Variants in CNTN1 observed in about 807,000 individuals in gnomAD.
CNTN1 encodes contactin 1.
In CNTN1, 38 loss-of-function variants were observed where a neutral mutation model predicts 126.4. The ratio of observed to expected loss-of-function variants is 0.30; its 90% CI spans 0.23 to 0.39. The LOEUF is 0.39. Among genes scored for constraint, CNTN1 ranks in the 10% least tolerant of loss-of-function variants. CNTN1 has a pLI of 1.00. For missense variants in CNTN1, 1,009 were observed against 1,248.4 expected (o/e 0.81, Z 2.89); for synonymous variants, 413 against 422.6 (o/e 0.98, Z 0.28).
intron 1 of CNTN1, among the ~76,000 whole-genome samples, chr12:40,806,204 T>C (rs1245177376): frequency 6.6e-6 from 1 of 152,122 alleles, no homozygotes; most frequent in African/African-American, 2.4e-5. Context: ...TTTTTCAGCA[T>C]TTCTGCCCCT....
intron 15 of CNTN1, among the ~76,000 whole-genome samples, chr12:40,977,757 C>T (rs1007303074): frequency 2.0e-5 from 3 of 149,220 alleles, no homozygotes; most frequent in Non-Finnish European, 3.0e-5. Context: ...TCAGTCCTAA[C>T]AATCATCTGT....
At chr12:40,894,209 T>C (rs1944329481) in intron 1 of CNTN1, among the ~76,000 whole-genome samples, 2 of 152,140 alleles carry the variant, frequency 1.3e-5, no homozygotes, top group Non-Finnish European at 2.9e-5. Context: ...TATAACAGCT[T>C]CTTCATTTGC....
At chr12:41,001,951 T>C (rs1948370127) in intron 17 of CNTN1, among the ~76,000 whole-genome samples, 2 of 152,192 alleles carry the variant, frequency 1.3e-5, no homozygotes, top group Non-Finnish European at 2.9e-5. Flanking sequence ...TGACCTTATT[T>C]CTGGGTTCTC....
chr12:40,791,675 T>C (rs1940225714), intron 1 of CNTN1, among the ~76,000 whole-genome samples: 1 of 152,152 alleles, frequency 6.6e-6, no homozygotes, highest in South Asian at 2.1e-4. Flanking sequence ...ATTATGTAGC[T>C]TGTGCACAGA....
At chr12:40,983,732 T>C (rs923170624) in intron 16 of CNTN1, among the ~76,000 whole-genome samples, 2 of 146,422 alleles carry the variant, frequency 1.4e-5, no homozygotes, top group East Asian at 3.9e-4. Flanking sequence ...ATTACAGTAC[T>C]ATATATATAT....
intron 1 of CNTN1, among the ~76,000 whole-genome samples, chr12:40,855,499 A>G (rs1431723001): frequency 1.3e-5 from 2 of 152,126 alleles, no homozygotes; most frequent in Admixed American, 1.3e-4. Context: ...TTTATTATAT[A>G]TCATATGCTC....
In CNTN1 at chr12:40,763,974, T is replaced by C. The variant is rs181656969; in HGVS notation, c.-77+71382T>C. Among the ~76,000 whole-genome samples the C allele has an allele frequency of 1.7e-3, 262 of 152,180 alleles. 3 individuals are homozygous for C. The highest frequency in any genetic ancestry group is 5.6e-3 in the African/African-American group (232 of 41,524). ...TTCTTATAGCATGGGGTGTAGGAGA[T>C]GGGGGCGGAAATAGCATGAGCCAAG... is the stretch of plus-strand genomic sequence containing the variant. On this transcript the variant is annotated intron_variant, in intron 1 of 23. Coordinates refer to ENST00000551295, the MANE Select transcript of CNTN1 (RefSeq NM_001843.4).
chr12:40,728,627 A>G (rs531661085), intron 1 of CNTN1, among the ~76,000 whole-genome samples: 4 of 152,342 alleles, frequency 2.6e-5, no homozygotes, highest in African/African-American at 7.2e-5. Flanking sequence ...AACAATGTTT[A>G]CCAAATCAAA....
intron 1 of CNTN1, among the ~76,000 whole-genome samples, chr12:40,847,548 A>G (rs1478063545): frequency 1.3e-5 from 2 of 152,150 alleles, no homozygotes; most frequent in Non-Finnish European, 2.9e-5. Context: ...GGTTGCTCTT[A>G]ATTTGTGTTA....
intron 1 of CNTN1, among the ~76,000 whole-genome samples, chr12:40,803,354 C>A (rs74076648): frequency 0.012 from 1,809 of 152,072 alleles, 31 homozygotes; most frequent in African/African-American, 0.041. Flanking sequence ...GGCATTGTCC[C>A]TGTAAACTTT....
At chr12:40,891,659 T>A (rs1944243536) in intron 1 of CNTN1, among the ~76,000 whole-genome samples, 1 of 152,142 alleles carries the variant, frequency 6.6e-6, no homozygotes, top group South Asian at 2.1e-4. Context: ...TTAATTAAAT[T>A]GCCTTTGTTT....
At chr12:40,695,740 G>C (rs1941434177) in intron 1 of CNTN1, among the ~76,000 whole-genome samples, 2 of 152,108 alleles carry the variant, frequency 1.3e-5, no homozygotes, top group African/African-American at 4.8e-5. Context: ...ACACCACAAT[G>C]CTCTGATAGC....
intron 1 of CNTN1, among the ~76,000 whole-genome samples, chr12:40,778,016 G>C (rs1939654584): frequency 6.6e-6 from 1 of 151,792 alleles, no homozygotes; most frequent in Non-Finnish European, 1.5e-5. Context: ...TGAAAACACT[G>C]TTGGTTTTAA....
rs898044926 is a variant in CNTN1 at position 40,868,383 on chromosome 12, A to C, written c.-76-39974A>C. Among the ~76,000 whole-genome samples the C allele has an allele frequency of 3.3e-5, 5 of 152,284 alleles. No homozygotes were observed. In the South Asian group the frequency reaches 1.0e-3, roughly 32 times the overall value. On this transcript the variant is annotated intron_variant, in intron 1 of 23. Coordinates refer to ENST00000551295, the MANE Select transcript of CNTN1 (RefSeq NM_001843.4). ...GTTAAACGGGATTACAGAGGATTAC[A>C]TCCTTGGTAGATGGGAGCAGAGATT... is the stretch of plus-strand genomic sequence containing the variant.
chr12:40,763,546 A>G lies in CNTN1; in HGVS notation c.-77+70954A>G, dbSNP rs566786671. ...AACACATTGTATTAGGAAAATGGAA[A>G]GAATGTCACTGTGGCTAGTGTACAG... On this transcript the variant is annotated intron_variant, in intron 1 of 23. Coordinates refer to ENST00000551295, the MANE Select transcript of CNTN1 (RefSeq NM_001843.4). Among the ~76,000 whole-genome samples, 91 of 152,312 alleles carry G rather than the reference A, an allele frequency of 6.0e-4. 1 individual carries two copies. The highest frequency in any genetic ancestry group is 2.1e-3 in the African/African-American group (86 of 41,564).
chr12:40,846,897 T>C (rs1271556399), intron 1 of CNTN1, among the ~76,000 whole-genome samples: 2 of 152,078 alleles, frequency 1.3e-5, no homozygotes, highest in Non-Finnish European at 2.9e-5. Flanking sequence ...AGATGGAGTC[T>C]CACTCTGTCG....
At chr12:40,872,479 G>A (rs1218270564) in intron 1 of CNTN1, among the ~76,000 whole-genome samples, 1 of 151,466 alleles carries the variant, frequency 6.6e-6, no homozygotes, top group African/African-American at 2.4e-5. Context: ...AGGGCTTAGC[G>A]AAATGCCTCT....
chr12:40,807,228 C>T (rs1940893031), intron 1 of CNTN1, among the ~76,000 whole-genome samples: 2 of 152,184 alleles, frequency 1.3e-5, no homozygotes, highest in African/African-American at 2.4e-5. Context: ...CACCTCCTCA[C>T]TTCTGACATA....
intron 1 of CNTN1, among the ~76,000 whole-genome samples, chr12:40,856,757 T>C (rs533458596): frequency 2.6e-5 from 4 of 152,132 alleles, no homozygotes; most frequent in African/African-American, 9.6e-5. Context: ...GAGGAAAAAG[T>C]CCAGCAGCAG....
Sources: gnomAD v4.1 joint callset for allele counts (sites outside exome capture counted in the v4.1 genomes callset) on GRCh38, gnomAD v4.1.1 for gene constraint, MANE v1.5 for transcripts, NCBI Gene and HGNC (gene_info 2026-07-23, HGNC 2026-07-21) for gene names.